Variants in XKR9 observed in about 807,000 individuals in gnomAD.
The protein encoded by XKR9 is XK related 9.
XKR9 carries 32 observed loss-of-function variants against 32.0 expected under a neutral mutation model. The observed-to-expected ratio is 1.00, with a 90% CI of 0.76 to 1.34. The LOEUF is 1.34. XKR9 is among the 40% of genes most tolerant of loss of function. The pLI is 0.00. For synonymous variants in XKR9, 168 were observed against 143.4 expected (o/e 1.17, Z -1.22); for missense variants, 546 against 429.7 (o/e 1.27, Z -2.39).
At chr8:70,696,821 A>C (rs916960305) in intron 3 of XKR9, among the ~76,000 whole-genome samples, 7 of 151,524 alleles carry the variant, frequency 4.6e-5, no homozygotes, top group Admixed American at 4.6e-4. Context: ...ATGAGCATGG[A>C]ATGTTCTTCC....
the XKR9 span, among the ~76,000 whole-genome samples, chr8:70,863,995 A>C: frequency 6.6e-6 from 1 of 152,184 alleles, no homozygotes; most frequent in African/African-American, 2.4e-5. Context: ...TTGCATATAT[A>C]AACAGTCACT....
the XKR9 span, among the ~76,000 whole-genome samples, chr8:70,961,404 A>G: frequency 2.0e-5 from 3 of 152,152 alleles, no homozygotes; most frequent in Non-Finnish European, 2.9e-5. Flanking sequence ...TTGAAATCCA[A>G]ACTAATCCTG....
At chr8:70,745,882 T>C (rs115829054) in intron 2 of XKR9, among the ~76,000 whole-genome samples, 1,604 of 152,320 alleles carry the variant, frequency 0.011, 27 homozygotes, top group African/African-American at 0.037. Context: ...GTCAGAGATA[T>C]ATAATGCATC....
chr8:70,814,353 T>C, the XKR9 span, among the ~76,000 whole-genome samples: 1 of 152,042 alleles, frequency 6.6e-6, no homozygotes, highest in Admixed American at 6.6e-5. Flanking sequence ...AATGATGAGT[T>C]AGTGGGTGCA....
chr8:70,805,622 A>T, the XKR9 span, among the ~76,000 whole-genome samples: 10 of 152,202 alleles, frequency 6.6e-5, no homozygotes, highest in African/African-American at 2.4e-4. Context: ...CCCACAGCCC[A>T]ACACACTGGC....
At chr8:71,051,878 G>A in the XKR9 span, among the ~76,000 whole-genome samples, 1 of 152,152 alleles carries the variant, frequency 6.6e-6, no homozygotes, top group African/African-American at 2.4e-5. Context: ...AAATTCTATC[G>A]TGAAGTTGTA....
intron 4 of XKR9, among the ~76,000 whole-genome samples, chr8:70,729,763 C>A (rs923056241): frequency 6.6e-6 from 1 of 152,062 alleles, no homozygotes; most frequent in South Asian, 2.1e-4. Flanking sequence ...AGGAGTGTCA[C>A]ATAATTTTGG....
chr8:70,904,823 C>CA, the XKR9 span, among the ~76,000 whole-genome samples: 2 of 152,256 alleles, frequency 1.3e-5, no homozygotes, highest in East Asian at 3.9e-4. Context: ...CTGGTGGTGA[C>CA]AAAATCTCTC....
chr8:70,729,258 C>G (rs1006087246), intron 4 of XKR9, among the ~76,000 whole-genome samples: 1 of 152,056 alleles, frequency 6.6e-6, no homozygotes, highest in Non-Finnish European at 1.5e-5. Flanking sequence ...GGTAGAGAGA[C>G]AAATATGCTC....
At chr8:70,941,545 A>G in the XKR9 span, among the ~76,000 whole-genome samples, 1 of 152,112 alleles carries the variant, frequency 6.6e-6, no homozygotes, top group Non-Finnish European at 1.5e-5. Flanking sequence ...TCCTTAAGAA[A>G]GCAAAGACCT....
At chr8:70,733,676 G>A in intron 4 of XKR9, 120 bp from the exon 5 acceptor site, 3 of 946,354 alleles carry the variant, frequency 3.2e-6, no homozygotes, top group Non-Finnish European at 2.9e-6. Flanking sequence ...TAGATGAGAA[G>A]AGTAAAGTAT....
the XKR9 span, among the ~76,000 whole-genome samples, chr8:70,962,779 G>A: frequency 6.6e-6 from 1 of 152,110 alleles, no homozygotes; most frequent in East Asian, 1.9e-4. Flanking sequence ...TGAAATGAAG[G>A]ATGTCCCTTA....
the XKR9 span, among the ~76,000 whole-genome samples, chr8:71,006,273 T>A: frequency 6.6e-6 from 1 of 152,382 alleles, no homozygotes; most frequent in Non-Finnish European, 1.5e-5. Flanking sequence ...CCAAGACAGC[T>A]TTGAATGCGA....
chr8:70,976,044 G>T, the XKR9 span, among the ~76,000 whole-genome samples: 7 of 152,280 alleles, frequency 4.6e-5, no homozygotes, highest in South Asian at 2.1e-4. Flanking sequence ...CTCTCTGTTT[G>T]TCTGTTATTT....
chr8:70,753,249 G>A (rs1807168357), intron 2 of XKR9, among the ~76,000 whole-genome samples: 1 of 151,992 alleles, frequency 6.6e-6, no homozygotes, highest in Non-Finnish European at 1.5e-5. Context: ...CCAATAACAG[G>A]ATCTGAAATT....
the XKR9 span, among the ~76,000 whole-genome samples, chr8:71,055,954 A>G: frequency 6.6e-6 from 1 of 152,182 alleles, no homozygotes; most frequent in African/African-American, 2.4e-5. Context: ...TCTAATATAC[A>G]AATATGAAGG....
the XKR9 span, among the ~76,000 whole-genome samples, chr8:70,861,488 CAA>C: frequency 1.4e-5 from 2 of 146,666 alleles, no homozygotes; most frequent in African/African-American, 5.0e-5. Flanking sequence ...TTGTGTCTAT[CAA>C]AAAAAAAAAA....
chr8:70,864,746 T>A, the XKR9 span, among the ~76,000 whole-genome samples: 2 of 152,130 alleles, frequency 1.3e-5, no homozygotes, highest in African/African-American at 4.8e-5. Context: ...TGGTGATGTT[T>A]ATGGAACCGT....
chr8:70,909,624 C>G, the XKR9 span, among the ~76,000 whole-genome samples: 1 of 149,088 alleles, frequency 6.7e-6, no homozygotes, highest in African/African-American at 2.5e-5. Context: ...GCCTGTGTGA[C>G]AGAGTGAGAC....
Sources: gnomAD v4.1 joint callset for allele counts (sites outside exome capture counted in the v4.1 genomes callset) on GRCh38, gnomAD v4.1.1 for gene constraint, MANE v1.5 for transcripts, NCBI Gene and HGNC (gene_info 2026-07-23, HGNC 2026-07-21) for gene names.